The following INPP5D variants were observed in gnomAD, a reference collection of about 807,000 sequenced individuals.
The protein encoded by INPP5D is phosphatidylinositol 3,4,5-trisphosphate 5-phosphatase 1.
A neutral mutation model predicts 122.9 loss-of-function variants in INPP5D; 33 were observed. The observed-to-expected ratio is 0.27, with a 90% CI of 0.20 to 0.36. The LOEUF is 0.36. INPP5D is among the 10% of genes least tolerant of loss of function. INPP5D has a pLI of 1.00. For synonymous variants in INPP5D, 584 were observed against 576.2 expected (o/e 1.01, Z -0.19); for missense variants, 1,053 against 1,412.7 (o/e 0.75, Z 4.08).
intron 2 of INPP5D, among the ~76,000 whole-genome samples, chr2:233,085,208 A>T (rs1296153522): frequency 6.6e-6 from 1 of 152,062 alleles, no homozygotes; most frequent in Non-Finnish European, 1.5e-5. Flanking sequence ...CAACATGGTG[A>T]AACCCCGTCT....
chr2:233,065,770 C>T (rs1691206455), intron 1 of INPP5D, among the ~76,000 whole-genome samples: 1 of 151,942 alleles, frequency 6.6e-6, no homozygotes, highest in Middle Eastern at 3.4e-3. Context: ...CCTCAGCCTC[C>T]TGAGTAGCTG....
chr2:233,174,232 G>A (rs1244228811), intron 17 of INPP5D, among the ~76,000 whole-genome samples: 2 of 152,248 alleles, frequency 1.3e-5, no homozygotes, highest in Non-Finnish European at 1.5e-5. Context: ...ATTATGTACT[G>A]AACAGAATTG....
At chr2:233,149,728 C>A (rs1693874658) in intron 9 of INPP5D, among the ~76,000 whole-genome samples, 2 of 152,196 alleles carry the variant, frequency 1.3e-5, no homozygotes, top group Admixed American at 6.5e-5. Flanking sequence ...AGTCCCAGGT[C>A]AGCCACTTGT....
intron 1 of INPP5D, chr2:233,076,569 A>G (rs943756962): frequency 6.6e-6 from 1 of 152,254 alleles, no homozygotes; most frequent in Non-Finnish European, 1.5e-5. Context: ...AAAATAAAAT[A>G]TTGTAAAATT....
At chr2:233,149,087 G>A (rs1693851954) in intron 9 of INPP5D, among the ~76,000 whole-genome samples, 1 of 148,382 alleles carries the variant, frequency 6.7e-6, no homozygotes. Context: ...GCTTCTTCAG[G>A]CATGATCAGC....
At chr2:233,102,799 C>G (rs548980306) in intron 2 of INPP5D, among the ~76,000 whole-genome samples, 1 of 146,294 alleles carries the variant, frequency 6.8e-6, no homozygotes, top group African/African-American at 2.6e-5. Flanking sequence ...GCAGTGAGCC[C>G]AGATCACGCC....
intron 4 of INPP5D, among the ~76,000 whole-genome samples, chr2:233,127,710 G>C (rs1462843813): frequency 1.3e-5 from 2 of 152,040 alleles, no homozygotes; most frequent in Admixed American, 1.3e-4. Flanking sequence ...CCGGGTTCAA[G>C]TGATTCTCCT....
At chr2:233,106,162 C>T (rs917843435) in intron 2 of INPP5D, among the ~76,000 whole-genome samples, 2 of 152,200 alleles carry the variant, frequency 1.3e-5, no homozygotes, top group Non-Finnish European at 2.9e-5. Context: ...TGCTGCATAA[C>T]AAACAGCCTC....
intron 2 of INPP5D, among the ~76,000 whole-genome samples, chr2:233,087,514 A>G (rs1390697328): frequency 1.3e-5 from 2 of 151,940 alleles, no homozygotes; most frequent in Admixed American, 1.3e-4. Context: ...TTTAGTAGAG[A>G]CAGGGTTTCA....
intron 8 of INPP5D, 143 bp downstream of exon 8, chr2:233,146,581 G>A: frequency 1.5e-6 from 1 of 661,402 alleles, no homozygotes; most frequent in Non-Finnish European, 2.8e-6. Flanking sequence ...GCAGTCAGTT[G>A]ACCTTTGTCG....
intron 17 of INPP5D, among the ~76,000 whole-genome samples, chr2:233,176,399 GGATA>G (rs1186542972): frequency 1.6e-4 from 23 of 147,120 alleles, no homozygotes; most frequent in Non-Finnish European, 2.7e-4. Context: ...ATGGATGGAT[GGATA>G]GATAGATGGA....
chr2:233,206,613 G>T lies in INPP5D; in HGVS notation c.3568-93G>T. The T allele has an allele frequency of 1.4e-6, 1 of 712,856 alleles. No individual in the cohort carries two copies. The allele number at this position is 712,856 out of a possible 1,614,324, so 44.2% of individuals were successfully genotyped here. ...TCAGCTACACGTTAAAGGAAGCCTG[G>T]CCTAGCCCACAGCATGCAGGGACCT... On this transcript the variant is annotated intron_variant, in intron 26 of 26. Transcript: ENST00000445964. This position sits in a 1 kb window ranked among gnomAD's most constrained non-coding sequence, Gnocchi z 4.0.
chr2:233,116,701 A>T (rs1574739608), intron 2 of INPP5D, among the ~76,000 whole-genome samples: 1 of 151,862 alleles, frequency 6.6e-6, no homozygotes, highest in South Asian at 2.1e-4. Flanking sequence ...GGTTCAAGCG[A>T]TTCTCCCGCC....
intron 2 of INPP5D, among the ~76,000 whole-genome samples, chr2:233,089,601 A>G (rs1213771933): frequency 1.3e-5 from 2 of 152,154 alleles, no homozygotes; most frequent in Non-Finnish European, 2.9e-5. Context: ...TCCTTCCTGA[A>G]TGAGACCCAA....
chr2:233,148,706 C>G (rs1307693308), intron 9 of INPP5D, among the ~76,000 whole-genome samples: 1 of 152,146 alleles, frequency 6.6e-6, no homozygotes, highest in Non-Finnish European at 1.5e-5. Flanking sequence ...CTTTCTTCAT[C>G]TGGGTGGCCA....
At chr2:233,204,926 C>G (rs948445394) in intron 26 of INPP5D, 3 of 776,196 alleles carry the variant, frequency 3.9e-6, no homozygotes, top group Non-Finnish European at 5.7e-6. Context: ...GAACCCAGGT[C>G]TGCCTGTCCC....
chr2:233,197,590 G>T lies in INPP5D; in HGVS notation c.2694-505G>T, dbSNP rs1215472553. Among the ~76,000 whole-genome samples, 1 of 152,102 alleles carries T rather than the reference G, an allele frequency of 6.6e-6. No individual in the cohort carries two copies. The highest frequency in any genetic ancestry group is 1.9e-4 in the East Asian group (1 of 5,186). On this transcript the variant is annotated intron_variant, in intron 24 of 26. Transcript: ENST00000445964. This position sits in a 1 kb window ranked among gnomAD's most constrained non-coding sequence, Gnocchi z 4.4. ...AAACCCCTCTCACCTGGAGGCCTTT[G>T]CATGTACTCTTGCCACTGCCGAGAA...
chr2:233,152,865 G>A (rs1007573595), intron 9 of INPP5D, among the ~76,000 whole-genome samples: 1 of 38,036 alleles, frequency 2.6e-5, no homozygotes, highest in African/African-American at 1.6e-4. Flanking sequence ...TTTTCAGCTG[G>A]GGGGGGTGTG....
intron 1 of INPP5D, among the ~76,000 whole-genome samples, chr2:233,065,032 G>T (rs952110118): frequency 2.6e-5 from 4 of 152,218 alleles, no homozygotes; most frequent in African/African-American, 9.6e-5. Context: ...TTTATCCAAG[G>T]CTGACTGTGC....
Sources: gnomAD v4.1 joint callset for allele counts (sites outside exome capture counted in the v4.1 genomes callset) on GRCh38, gnomAD v4.1.1 for gene constraint, Gnocchi (gnomAD v3.1) non-coding constraint, MANE v1.5 for transcripts, NCBI Gene and HGNC (gene_info 2026-07-23, HGNC 2026-07-21) for gene names.